Variants in LRP2 observed in about 807,000 individuals in gnomAD.
The protein encoded by LRP2 is LDL receptor related protein 2.
A neutral mutation model predicts 531.0 loss-of-function variants in LRP2; 172 were observed. That is an observed-to-expected ratio of 0.32 (90% CI 0.29 to 0.37). The LOEUF (loss-of-function observed/expected upper bound fraction) is 0.37, where lower values mean the gene tolerates loss of function less well. Ranked by LOEUF, LRP2 falls within the 10% of genes least tolerant of loss-of-function variation. The pLI is 1.00. For missense variants in LRP2, 5,167 were observed against 5,868.3 expected (o/e 0.88, Z 3.90); for synonymous variants, 1,992 against 2,027.6 (o/e 0.98, Z 0.47).
At chr2:169,226,375 G>A in intron 32 of LRP2, 47 bp downstream of exon 32, 3 of 1,470,706 alleles carry the variant, frequency 2.0e-6, no homozygotes, top group Non-Finnish European at 2.9e-6. Context: ...GTGCAGGCAG[G>A]CTCTTCAAGA....
Position 169,246,708 on chromosome 2 carries a change from G to A in LRP2, c.3187C>T (p.Leu1063Phe), listed in dbSNP as rs774714140. The change falls in exon 21 of 79, where the codon CTT becomes TTT. Residue 1063 changes from leucine (L) to phenylalanine (F), a missense_variant. This residue lies in a region of LRP2 where 2,811 missense variants were observed against 3,058.0 expected (regional missense o/e 0.92). Transcript: ENST00000649046. ...TCGCCAGTGCATAGCTACTTACTAAGTGTGCCACATAGTTGCTCATCACTG... is the reference window on the plus strand; with the variant it reads ...TCGCCAGTGCATAGCTACTTACTAAATGTGCCACATAGTTGCTCATCACTG... ...DNSDEQLCGT[L>F]NNTCSSSAFT... The A allele has an allele frequency of 6.2e-7, 1 of 1,614,112 alleles. No homozygotes were observed. The highest frequency in any genetic ancestry group is 8.5e-7 in the Non-Finnish European group (1 of 1,180,024).
Position 169,257,223 on chromosome 2 carries a change from C to G in LRP2, c.2540G>C (p.Arg847Pro). ...CCATGCTCTCATAATTTTAGCAGGACGGAACCAATCAGTGAAGAATAGATA... is the reference window on the plus strand; with the variant it reads ...CCATGCTCTCATAATTTTAGCAGGAGGGAACCAATCAGTGAAGAATAGATA... The part of the protein sequence containing the change: ...AGYLFFTDWF[R>P]PAKIMRAWSD... Residue 847 changes from arginine (R) to proline (P), a missense_variant, in exon 18 of 79, where the codon CGT becomes CCT. By Grantham distance (103) the Arg-to-Pro change is moderately radical. Transcript: ENST00000649046. 6.2e-7 allele frequency: 1 copy of G among 1,612,686 alleles called. No individual in the cohort carries two copies. The highest frequency in any genetic ancestry group is 8.5e-7 in the Non-Finnish European group (1 of 1,179,096).
chr2:169,258,139 AT>A (rs1690391025), intron 17 of LRP2, among the ~76,000 whole-genome samples: 1 of 152,144 alleles, frequency 6.6e-6, no homozygotes, highest in African/African-American at 2.4e-5. Context: ...CAGAGAGGAA[AT>A]TAAAGCAGAT....
intron 1 of LRP2, among the ~76,000 whole-genome samples, chr2:169,351,359 G>C (rs191258105): frequency 5.1e-4 from 77 of 152,332 alleles, no homozygotes; most frequent in African/African-American, 1.5e-3. Context: ...CGAAAAAATA[G>C]AGTGATAGTT....
chr2:169,136,265 C>A (rs529761840), intron 76 of LRP2, among the ~76,000 whole-genome samples: 1 of 151,910 alleles, frequency 6.6e-6, no homozygotes, highest in East Asian at 1.9e-4. Flanking sequence ...CCCCTAATCC[C>A]ACTTGAGCAG....
intron 31 of LRP2, among the ~76,000 whole-genome samples, chr2:169,230,786 T>C (rs936315884): frequency 6.6e-6 from 1 of 152,194 alleles, no homozygotes; most frequent in Non-Finnish European, 1.5e-5. Flanking sequence ...CTTACTCCCT[T>C]AAGTACTTGG....
At chr2:169,311,283 T>C (rs1684590224) in intron 3 of LRP2, among the ~76,000 whole-genome samples, 1 of 152,220 alleles carries the variant, frequency 6.6e-6, no homozygotes, top group African/African-American at 2.4e-5. Flanking sequence ...GTTCTTTTAA[T>C]TGTGATGTTA....
chr2:169,147,822 G>C (rs896975165), intron 68 of LRP2, among the ~76,000 whole-genome samples: 9 of 152,124 alleles, frequency 5.9e-5, no homozygotes, highest in African/African-American at 1.4e-4. Context: ...CCCTGTGTAA[G>C]AGCTCCTGTC....
chr2:169,173,274 C>A, intron 56 of LRP2, 50 bp from the exon 57 acceptor site: 1 of 1,611,370 alleles, frequency 6.2e-7, no homozygotes, highest in Non-Finnish European at 8.5e-7. Context: ...CAAGAAAGCA[C>A]CTTTCCATTG....
chr2:169,288,921 AC>A (rs1683928325), intron 9 of LRP2, 104 bp downstream of exon 9: 2 of 1,558,440 alleles, frequency 1.3e-6, no homozygotes, highest in Non-Finnish European at 1.8e-6. Context: ...GTTATGACAG[AC>A]CATGACGACT....
intron 10 of LRP2, among the ~76,000 whole-genome samples, chr2:169,282,426 A>T (rs77197220): frequency 0.043 from 6,476 of 152,330 alleles, 175 homozygotes; most frequent in South Asian, 0.11. Flanking sequence ...CATTCAAAAA[A>T]TTGTTAATCC....
intron 1 of LRP2, among the ~76,000 whole-genome samples, chr2:169,339,171 T>C (rs1360027665): frequency 1.3e-5 from 2 of 152,128 alleles, no homozygotes; most frequent in African/African-American, 4.8e-5. Context: ...AGCTCTTCTA[T>C]ATTCATCATC....
chr2:169,324,631 A>G lies in LRP2; in HGVS notation c.80-3747T>C, dbSNP rs201655456. On this transcript the variant is annotated intron_variant, in intron 1 of 78. Coordinates refer to ENST00000649046, the MANE Select transcript of LRP2 (RefSeq NM_004525.3). ...CTCATAAAGAGCCCAAAGCTAGGGGAAAAAAAAAAAAAAAGAGTAATCCTT... is the reference window on the plus strand; with the variant it reads ...CTCATAAAGAGCCCAAAGCTAGGGGGAAAAAAAAAAAAAAGAGTAATCCTT... Among the ~76,000 whole-genome samples, 64 of 49,472 alleles carry G rather than the reference A, an allele frequency of 1.3e-3. No homozygotes were observed. In the East Asian group the frequency reaches 0.018, roughly 14 times the overall value. 32.5% of individuals were successfully genotyped at this position (49,472 alleles called of 152,430 possible). A position where few individuals can be genotyped will look rare whatever the true frequency, so the allele number is the denominator to read the frequency against.
At chr2:169,333,970 A>G (rs1396208277) in intron 1 of LRP2, among the ~76,000 whole-genome samples, 1 of 152,230 alleles carries the variant, frequency 6.6e-6, no homozygotes, top group African/African-American at 2.4e-5. Flanking sequence ...ACACAGAATC[A>G]ACAATATTAC....
intron 1 of LRP2, among the ~76,000 whole-genome samples, chr2:169,360,748 C>T (rs1686127250): frequency 6.6e-6 from 1 of 152,198 alleles, no homozygotes; most frequent in African/African-American, 2.4e-5. Flanking sequence ...AATGATCTCT[C>T]CTTGCCTCTC....
In LRP2 at chr2:169,353,674, A is replaced by G. The variant is rs561625329; in HGVS notation, c.79+8647T>C. On this transcript the variant is annotated intron_variant, in intron 1 of 78. Coordinates refer to ENST00000649046, the MANE Select transcript of LRP2 (RefSeq NM_004525.3). ...ATAAAATACTTTCATTCTTAAATTC[A>G]ACTTTAAGAATTTCCTGACAAAATA... is the stretch of plus-strand genomic sequence containing the variant. Among the ~76,000 whole-genome samples the G allele has an allele frequency of 2.6e-5, 4 of 152,138 alleles. No homozygotes were observed. In the South Asian group the frequency reaches 8.3e-4, roughly 31 times the overall value.
Position 169,173,092 on chromosome 2 carries a change from C to T in LRP2, c.11143+4G>A. ...TCCCTCCACTCCCCTGTGGCCCCTC[C>T]TACCACAGCCTTGCTCATCACTGTT... On this transcript the variant is annotated splice_donor_region_variant and intron_variant, in intron 57 of 78. Transcript: ENST00000649046. 1 of 1,614,166 alleles carries T rather than the reference C, an allele frequency of 6.2e-7. No homozygotes were observed. The highest frequency in any genetic ancestry group is 1.7e-5 in the Admixed American group (1 of 60,022).
chr2:169,315,564 T>C (rs1316068329), intron 3 of LRP2, among the ~76,000 whole-genome samples: 1 of 152,170 alleles, frequency 6.6e-6, no homozygotes, highest in East Asian at 1.9e-4. Flanking sequence ...CTAAAAGCAC[T>C]GCTGTGCCCA....
chr2:169,260,243 T>G (rs994719796), intron 16 of LRP2, among the ~76,000 whole-genome samples: 1 of 151,686 alleles, frequency 6.6e-6, no homozygotes, highest in Non-Finnish European at 1.5e-5. Flanking sequence ...AATAAAAGAG[T>G]AATGAGTGCT....
Sources: gnomAD v4.1 joint callset for allele counts (sites outside exome capture counted in the v4.1 genomes callset) on GRCh38, gnomAD v4.1.1 for gene constraint, gnomAD v4.1.1 regional missense constraint, MANE v1.5 for transcripts, NCBI Gene and HGNC (gene_info 2026-07-23, HGNC 2026-07-21) for gene names.